AKAP3: variants seen among roughly 807,000 people sequenced by gnomAD.
AKAP3 encodes the protein A-kinase anchor protein 3.
In AKAP3, 27 loss-of-function variants were observed where a neutral mutation model predicts 57.2. The observed-to-expected ratio is 0.47, with a 90% CI of 0.35 to 0.65. The LOEUF is 0.65. AKAP3 is among the 30% of genes least tolerant of loss of function. The pLI is 0.01. For missense variants in AKAP3, 959 were observed against 1,040.0 expected (o/e 0.92, Z 1.07); for synonymous variants, 334 against 392.3 (o/e 0.85, Z 1.76).
chr12:4,648,994 CTTAA>C lies in AKAP3; in HGVS notation c.-498_-495del. 1 of 1,021,112 alleles carries C rather than the reference CTTAA, an allele frequency of 9.8e-7. No individual in the cohort carries two copies. The highest frequency in any genetic ancestry group is 2.5e-5 in the Admixed American group (1 of 40,110). 63.3% of individuals were successfully genotyped at this position (1,021,112 alleles called of 1,614,324 possible). A position where few individuals can be genotyped will look rare whatever the true frequency, so the allele number is the denominator to read the frequency against. Reference sequence around the variant, plus strand: ...TCTCCTTCACTTTCCCAGCTTTCTTCTTAACCAACAATCTACCCGAAACCGTCGT... The same window carrying C: ...TCTCCTTCACTTTCCCAGCTTTCTTCCCAACAATCTACCCGAAACCGTCGT... On this transcript the variant is annotated 5_prime_UTR_variant, in exon 1 of 6. Transcript: ENST00000228850.
intron 4 of AKAP3, among the ~76,000 whole-genome samples, chr12:4,634,100 A>T (rs1945535450): frequency 6.6e-6 from 1 of 152,116 alleles, no homozygotes; most frequent in Non-Finnish European, 1.5e-5. Flanking sequence ...TAACAGTCCA[A>T]CACTTAAACA....
intron 4 of AKAP3, among the ~76,000 whole-genome samples, chr12:4,632,407 T>C (rs1162591169): frequency 6.6e-6 from 1 of 152,194 alleles, no homozygotes; most frequent in Non-Finnish European, 1.5e-5. Flanking sequence ...TTTTTTGTGA[T>C]ATAGAAAGAG....
intron 5 of AKAP3, among the ~76,000 whole-genome samples, chr12:4,624,342 T>A (rs920712519): frequency 6.6e-6 from 1 of 151,050 alleles, no homozygotes; most frequent in Admixed American, 6.6e-5. Flanking sequence ...TGTGTGTGTG[T>A]GTGTGTGTGT....
intron 4 of AKAP3, chr12:4,636,080 C>T (rs1466503415): frequency 7.7e-7 from 1 of 1,300,222 alleles, no homozygotes; most frequent in African/African-American, 1.5e-5. Flanking sequence ...GCAGACTCTC[C>T]CAGAAATACT....
chr12:4,625,530 C>T lies in AKAP3; in HGVS notation c.2406+966G>A, dbSNP rs949130129. Among the ~76,000 whole-genome samples, 3 of 152,170 alleles carry T rather than the reference C, an allele frequency of 2.0e-5. No homozygotes were observed. The highest frequency in any genetic ancestry group is 4.4e-5 in the Non-Finnish European group (3 of 68,030). On this transcript the variant is annotated intron_variant, in intron 5 of 5. Coordinates refer to ENST00000228850, the MANE Select transcript of AKAP3 (RefSeq NM_001278309.2). The surrounding 1 kb of genome is among the most constrained non-coding windows in gnomAD (Gnocchi z 5.4). ...ACCATGTAAATACCACTTAATTAAG[C>T]AGAGAAAGCCTGTTTTTCCTTATCT...
chr12:4,635,191 G>A (rs1022851586), intron 4 of AKAP3, among the ~76,000 whole-genome samples: 1 of 152,122 alleles, frequency 6.6e-6, no homozygotes, highest in African/African-American at 2.4e-5. Flanking sequence ...TAAAAATTAA[G>A]TTCAAAACAC....
rs748606663 is a variant in AKAP3, at chr12:4,628,050, C to A, written c.852G>T (p.Gly284=). The A allele has an allele frequency of 3.6e-5, 58 of 1,613,988 alleles. No homozygotes were observed. Among genetic ancestry groups the A allele is most frequent in the Non-Finnish European group, 4.7e-5 (55 of 1,180,024 alleles). Reference sequence around the variant, plus strand: ...CCACACTGTTAGCATAGGTCATGATCCCTTCACTAACAGAAGCCGTAAAGT... The same window carrying A: ...CCACACTGTTAGCATAGGTCATGATACCTTCACTAACAGAAGCCGTAAAGT... ...PDDFTASVSE[G]IMTYANSVVS... Residue 284 remains glycine (G), a synonymous_variant, in exon 5 of 6, where the codon GGG becomes GGT. Transcript: ENST00000228850.
chr12:4,647,093 T>A (rs1945708961), intron 1 of AKAP3, among the ~76,000 whole-genome samples: 1 of 152,100 alleles, frequency 6.6e-6, no homozygotes, highest in Non-Finnish European at 1.5e-5. Flanking sequence ...TCTTCGTCTT[T>A]GAAATAATGG....
chr12:4,619,489 T>C (rs922386586), intron 5 of AKAP3, among the ~76,000 whole-genome samples: 1 of 151,720 alleles, frequency 6.6e-6, no homozygotes. Flanking sequence ...CCTAGGGAGT[T>C]TGAGGCTGCA....
intron 3 of AKAP3, 115 bp from the exon 4 acceptor site, chr12:4,638,311 G>C: frequency 1.4e-6 from 1 of 729,668 alleles, no homozygotes; most frequent in South Asian, 1.7e-5. Context: ...GCCTTCAATA[G>C]AGACCTTCCC....
At chr12:4,642,850 G>A (rs748347280) in intron 2 of AKAP3, among the ~76,000 whole-genome samples, 12 of 152,192 alleles carry the variant, frequency 7.9e-5, no homozygotes, top group South Asian at 2.1e-4. Flanking sequence ...CTGGAAGAAT[G>A]AATATGCACC....
intron 5 of AKAP3, among the ~76,000 whole-genome samples, chr12:4,623,571 AAG>A (rs1945370557): frequency 6.6e-6 from 1 of 152,160 alleles, no homozygotes; most frequent in Non-Finnish European, 1.5e-5. Context: ...CATGGACACA[AAG>A]AGGGAACAAC....
At chr12:4,628,893 A>C in intron 4 of AKAP3, 88 bp from the exon 5 acceptor site, 79 of 1,386,924 alleles carry the variant, frequency 5.7e-5, no homozygotes, top group Middle Eastern at 2.1e-4. Flanking sequence ...TACAAATGTC[A>C]TCAGCCCTCT....
In AKAP3 at chr12:4,628,500, T is replaced by C. The variant is rs766421280; in HGVS notation, c.402A>G (p.Leu134=). Residue 134 remains leucine, a synonymous_variant, in exon 5 of 6, where the codon CTA becomes CTG. Coordinates refer to ENST00000228850, the MANE Select transcript of AKAP3 (RefSeq NM_001278309.2). The stretch of plus-strand genomic sequence containing the variant: ...TCTCTTTGCGGGCCATGGCTATGAC[T>C]AGATTCGTGAGGCGGTTAGCATAGA... ...VSFYANRLTN[L]VIAMARKEIN... 9.3e-5 allele frequency: 150 copies of C among 1,614,104 alleles called. No individual in the cohort carries two copies. The highest frequency in any genetic ancestry group is 1.1e-4 in the Non-Finnish European group (128 of 1,180,028).
At chr12:4,640,289 T>C (rs1223773422) in intron 3 of AKAP3, among the ~76,000 whole-genome samples, 5 of 152,228 alleles carry the variant, frequency 3.3e-5, no homozygotes. Context: ...CTTTATGAAA[T>C]AGAATATCTC....
At chr12:4,642,506 A>G (rs930578948) in intron 2 of AKAP3, among the ~76,000 whole-genome samples, 2 of 152,214 alleles carry the variant, frequency 1.3e-5, no homozygotes, top group Non-Finnish European at 2.9e-5. Context: ...AAGACATTTC[A>G]GTGGAAGACA....
intron 3 of AKAP3, among the ~76,000 whole-genome samples, chr12:4,641,062 C>CTTTTTTTTT (rs374817430): frequency 1.5e-5 from 1 of 68,714 alleles, no homozygotes; most frequent in Non-Finnish European, 2.5e-5. Flanking sequence ...TTCTAACTTC[C>CTTTTTTTTT]TTTTTTTTTT....
chr12:4,638,493 G>A (rs1323870180), intron 3 of AKAP3, among the ~76,000 whole-genome samples: 11 of 152,120 alleles, frequency 7.2e-5, no homozygotes, highest in Non-Finnish European at 1.6e-4. Flanking sequence ...GCCATGTCCC[G>A]CCCCTTTATG....
intron 5 of AKAP3, among the ~76,000 whole-genome samples, chr12:4,616,484 ACT>A (rs374395499): frequency 1.4e-4 from 22 of 152,316 alleles, no homozygotes; most frequent in Admixed American, 3.9e-4. Context: ...AGGGCAACAA[ACT>A]CTCTCAAGTA....
Sources: gnomAD v4.1 joint callset for allele counts (sites outside exome capture counted in the v4.1 genomes callset) on GRCh38, gnomAD v4.1.1 for gene constraint, Gnocchi (gnomAD v3.1) non-coding constraint, MANE v1.5 for transcripts, NCBI Gene and HGNC (gene_info 2026-07-23, HGNC 2026-07-21) for gene names.